Variants in CNTNAP5 observed in about 807,000 individuals in gnomAD.
CNTNAP5 encodes contactin associated protein family member 5.
CNTNAP5 carries 72 observed loss-of-function variants against 150.2 expected under a neutral mutation model. The ratio of observed to expected loss-of-function variants is 0.48; its 90% CI spans 0.40 to 0.58. The LOEUF (loss-of-function observed/expected upper bound fraction) is 0.58, where lower values mean the gene tolerates loss of function less well. CNTNAP5 is among the 20% of genes least tolerant of loss of function. The probability of loss-of-function intolerance (pLI) is 0.00; values close to 1 mark genes in which losing one functional copy is unlikely to be tolerated. For missense variants in CNTNAP5, 1,636 were observed against 1,626.2 expected, an observed-to-expected ratio of 1.01 and a Z score of -0.10; for synonymous variants, 672 against 619.8, an observed-to-expected ratio of 1.08 and a Z score of -1.25.
chr2:124,103,540 C>CATGT (rs1488118897), intron 1 of CNTNAP5, among the ~76,000 whole-genome samples: 1 of 151,730 alleles, frequency 6.6e-6, no homozygotes, highest in Non-Finnish European at 1.5e-5. Flanking sequence ...TGTTACTATA[C>CATGT]CTTTTCCATG....
At chr2:124,239,319 C>T (rs1686827742) in intron 2 of CNTNAP5, among the ~76,000 whole-genome samples, 2 of 151,814 alleles carry the variant, frequency 1.3e-5, no homozygotes, top group Non-Finnish European at 2.9e-5. Context: ...TTATCATATG[C>T]TAATTAGAAT....
chr2:124,566,178 C>A (rs1191646850), intron 11 of CNTNAP5, among the ~76,000 whole-genome samples: 1 of 152,110 alleles, frequency 6.6e-6, no homozygotes, highest in East Asian at 1.9e-4. Context: ...GTCAGTGCTG[C>A]TGTAAGAAGT....
chr2:124,207,780 T>A (rs920831191), intron 1 of CNTNAP5, among the ~76,000 whole-genome samples: 1 of 152,328 alleles, frequency 6.6e-6, no homozygotes, highest in East Asian at 1.9e-4. Flanking sequence ...ATTTTTAATC[T>A]GTTCATGCAT....
chr2:124,878,728 A>C (rs1163267646), intron 21 of CNTNAP5, among the ~76,000 whole-genome samples: 1 of 149,204 alleles, frequency 6.7e-6, no homozygotes, highest in African/African-American at 2.5e-5. Flanking sequence ...ATGGAGTCTC[A>C]CTCTGTCACC....
At chr2:124,567,886 G>GAT (rs1197783129) in intron 11 of CNTNAP5, among the ~76,000 whole-genome samples, 7 of 141,772 alleles carry the variant, frequency 4.9e-5, no homozygotes, top group African/African-American at 1.4e-4. Flanking sequence ...GATAGATATA[G>GAT]ATAGATAGAT....
At chr2:124,655,052 G>A (rs1189993915) in intron 13 of CNTNAP5, among the ~76,000 whole-genome samples, 1 of 151,874 alleles carries the variant, frequency 6.6e-6, no homozygotes, top group Non-Finnish European at 1.5e-5. Context: ...AGGCATACAT[G>A]TGCCATGGTG....
chr2:124,560,593 A>C (rs1334524216), intron 10 of CNTNAP5, among the ~76,000 whole-genome samples: 2 of 150,240 alleles, frequency 1.3e-5, no homozygotes, highest in Non-Finnish European at 3.0e-5. Flanking sequence ...CTTCTTTCTT[A>C]CCCAAAGTTA....
At chr2:124,365,630 C>A (rs528890779) in intron 3 of CNTNAP5, among the ~76,000 whole-genome samples, 1 of 152,134 alleles carries the variant, frequency 6.6e-6, no homozygotes, top group African/African-American at 2.4e-5. Flanking sequence ...ATTCCTTAGA[C>A]CTGAATTTGA....
intron 6 of CNTNAP5, among the ~76,000 whole-genome samples, chr2:124,448,269 A>AAATGATAAT (rs1553469130): frequency 6.9e-6 from 1 of 144,278 alleles, no homozygotes; most frequent in Non-Finnish European, 1.5e-5. Flanking sequence ...CTCCGTCTTA[A>AAATGATAAT]AATAATAATA....
At chr2:124,406,183 G>T (rs1216235992) in intron 3 of CNTNAP5, among the ~76,000 whole-genome samples, 3 of 152,092 alleles carry the variant, frequency 2.0e-5, no homozygotes, top group Non-Finnish European at 4.4e-5. Context: ...TTCAATTGTG[G>T]TTAAAAAACA....
At position 124,914,377 on chromosome 2, in the gene CNTNAP5, C is replaced by T; in HGVS notation, c.*89C>T. On this transcript the variant is annotated 3_prime_UTR_variant, in exon 24 of 24. Transcript: ENST00000682447. ...TCCTGTCTTTTGATTTGGTCATTCT[C>T]TTTATTTTCTGCTTGCCATGTCTTT... The T allele has an allele frequency of 1.1e-6, 1 of 940,306 alleles. No homozygotes were observed. Among genetic ancestry groups the T allele is most frequent in the Non-Finnish European group, 1.6e-6 (1 of 619,756 alleles). 58.2% of individuals were successfully genotyped at this position (940,306 alleles called of 1,614,324 possible).
At chr2:124,867,094 T>C (rs1470440205) in intron 20 of CNTNAP5, among the ~76,000 whole-genome samples, 2 of 152,044 alleles carry the variant, frequency 1.3e-5, no homozygotes, top group African/African-American at 4.8e-5. Flanking sequence ...CTGAAGAAAA[T>C]CACTCTAGCA....
chr2:124,310,455 G>A (rs2553634), intron 3 of CNTNAP5, among the ~76,000 whole-genome samples: 66,469 of 151,818 alleles, frequency 0.44, 16,235 homozygotes, highest in African/African-American at 0.66. Flanking sequence ...GGAAAGGTCG[G>A]GATTGGCTAG....
chr2:124,157,408 A>G (rs994087350), intron 1 of CNTNAP5, among the ~76,000 whole-genome samples: 9 of 152,142 alleles, frequency 5.9e-5, no homozygotes, highest in Non-Finnish European at 1.2e-4. Context: ...AAGCTGTGTT[A>G]GGCTCTTGGA....
At chr2:124,747,555 A>G (rs1435640697) in intron 14 of CNTNAP5, among the ~76,000 whole-genome samples, 170 bp downstream of exon 14, 1 of 150,804 alleles carries the variant, frequency 6.6e-6, no homozygotes, top group Non-Finnish European at 1.5e-5. Context: ...TGTTTTCAGT[A>G]TGACAACTTA....
chr2:124,892,458 C>A (rs900308418), intron 21 of CNTNAP5, among the ~76,000 whole-genome samples: 1 of 152,070 alleles, frequency 6.6e-6, no homozygotes, highest in Non-Finnish European at 1.5e-5. Flanking sequence ...CTGGCAGCCA[C>A]CTCATCATGT....
At chr2:124,294,037 A>G (rs80078677) in intron 3 of CNTNAP5, among the ~76,000 whole-genome samples, 11,584 of 152,224 alleles carry the variant, frequency 0.076, 603 homozygotes, top group Non-Finnish European at 0.12. Flanking sequence ...CCCAGGATGC[A>G]TGGGGCTGGG....
chr2:124,519,792 T>C (rs1277148468), intron 8 of CNTNAP5, among the ~76,000 whole-genome samples: 2 of 152,218 alleles, frequency 1.3e-5, no homozygotes, highest in African/African-American at 4.8e-5. Flanking sequence ...CATTCTTTTT[T>C]TCTCTATGGA....
At chr2:124,471,418 A>G (rs1368860417) in intron 6 of CNTNAP5, among the ~76,000 whole-genome samples, 5 of 152,146 alleles carry the variant, frequency 3.3e-5, no homozygotes. Flanking sequence ...ATAATTTTGT[A>G]TTATGAGACT....
Sources: allele counts gnomAD v4.1 joint callset (sites outside exome capture counted in the v4.1 genomes callset), GRCh38; gene constraint gnomAD v4.1.1; transcripts MANE v1.5; gene names NCBI Gene and HGNC (gene_info 2026-07-23, HGNC 2026-07-21).